The following NUBPL variants were observed in gnomAD, a reference collection of about 807,000 sequenced individuals.
The protein encoded by NUBPL is NUBP iron-sulfur cluster assembly factor, mitochondrial, also known as iron-sulfur cluster transfer protein NUBPL.
In NUBPL, 31 loss-of-function variants were observed where a neutral mutation model predicts 45.7. The ratio of observed to expected loss-of-function variants is 0.68; its 90% CI spans 0.51 to 0.92. The LOEUF (loss-of-function observed/expected upper bound fraction) is 0.92, where lower values mean the gene tolerates loss of function less well. NUBPL is among the 40% of genes least tolerant of loss of function. The probability of loss-of-function intolerance (pLI) is 0.00; values close to 1 mark genes in which losing one functional copy is unlikely to be tolerated. For missense variants in NUBPL, 401 were observed against 398.7 expected, an observed-to-expected ratio of 1.01 and a Z score of -0.05; for synonymous variants, 144 against 140.9, an observed-to-expected ratio of 1.02 and a Z score of -0.15.
chr14:31,800,400 A>G (rs2138862188), intron 7 of NUBPL, among the ~76,000 whole-genome samples: 1 of 152,334 alleles, frequency 6.6e-6, no homozygotes, highest in East Asian at 1.9e-4. Flanking sequence ...ACCCCACAAC[A>G]ATTATAATAG....
rs1465381367 is a variant in NUBPL at position 31,580,361 on chromosome 14, G to A, written c.291+15313G>A. ...GGGAGGTCTGGGTGCTGTGGCTCAT[G>A]CCTTTAATCCCAGCAACTTAGGAGG... is the stretch of plus-strand genomic sequence containing the variant. On this transcript the variant is annotated intron_variant, in intron 3 of 10. Coordinates refer to ENST00000281081, the MANE Select transcript of NUBPL (RefSeq NM_025152.3). Among the ~76,000 whole-genome samples the A allele has an allele frequency of 2.6e-5, 4 of 152,214 alleles. No individual in the cohort carries two copies. In the South Asian group the frequency reaches 8.3e-4, roughly 32 times the overall value.
intron 6 of NUBPL, among the ~76,000 whole-genome samples, chr14:31,744,353 C>A (rs1160379883): frequency 6.6e-6 from 1 of 152,052 alleles, no homozygotes; most frequent in African/African-American, 2.4e-5. Context: ...TTCAGAATAT[C>A]ATTTGTCATC....
At chr14:31,832,624 C>T (rs2040211232) in intron 8 of NUBPL, among the ~76,000 whole-genome samples, 1 of 152,116 alleles carries the variant, frequency 6.6e-6, no homozygotes, top group Non-Finnish European at 1.5e-5. Context: ...TTTTTATTAC[C>T]ACTTAGAGAA....
At chr14:31,754,225 A>C (rs2038597952) in intron 6 of NUBPL, among the ~76,000 whole-genome samples, 3 of 152,222 alleles carry the variant, frequency 2.0e-5, no homozygotes, top group African/African-American at 7.2e-5. Context: ...TTGTATCATC[A>C]TTTTTTAACC....
chr14:31,819,814 G>A (rs556822306), intron 7 of NUBPL, among the ~76,000 whole-genome samples: 21 of 152,188 alleles, frequency 1.4e-4, no homozygotes, highest in South Asian at 1.0e-3. Flanking sequence ...ATTTTTAATC[G>A]TTTAGACTTA....
rs368815180 is a variant in NUBPL at position 31,850,121 on chromosome 14, G to A, written c.817G>A (p.Asp273Asn). Reference protein sequence around the residue: ...AQTLGLEVLGDIPLHLNIREA... With the variant: ...AQTLGLEVLGNIPLHLNIREA... ...GGATGTCTGCTGGGCTCTTTTAGGA[G>A]ACATTCCCTTACACCTTAATATAAG... The change falls in exon 10 of 11, where the codon GAC becomes AAC. Residue 273 changes from aspartate (D) to asparagine (N), a missense_variant and splice_region_variant. Transcript: ENST00000281081. 2 of 1,612,828 alleles carry A rather than the reference G, an allele frequency of 1.2e-6. No individual in the cohort carries two copies. The highest frequency in any genetic ancestry group is 2.7e-5 in the African/African-American group (2 of 74,900).
intron 7 of NUBPL, among the ~76,000 whole-genome samples, chr14:31,811,742 C>A (rs1044319845): frequency 6.6e-6 from 1 of 152,134 alleles, no homozygotes; most frequent in South Asian, 2.1e-4. Context: ...TGGTTTCTCT[C>A]CATCTTTGTG....
intron 6 of NUBPL, among the ~76,000 whole-genome samples, chr14:31,755,770 G>A (rs983083137): frequency 3.6e-4 from 54 of 151,804 alleles, no homozygotes; most frequent in African/African-American, 1.3e-3. Context: ...TGAAGTCCTT[G>A]CCCATGCCTA....
At chr14:31,615,839 A>G (rs1025972456) in intron 4 of NUBPL, among the ~76,000 whole-genome samples, 2 of 152,180 alleles carry the variant, frequency 1.3e-5, no homozygotes, top group African/African-American at 4.8e-5. Context: ...GTCAAATGCT[A>G]TTTCTGGTTC....
intron 6 of NUBPL, among the ~76,000 whole-genome samples, chr14:31,740,768 C>T (rs2038265442): frequency 6.6e-6 from 1 of 152,162 alleles, no homozygotes. Context: ...GTAGTTGTAT[C>T]ACAATTCTTG....
At chr14:31,641,109 G>A (rs1407291472) in intron 4 of NUBPL, among the ~76,000 whole-genome samples, 4 of 151,764 alleles carry the variant, frequency 2.6e-5, no homozygotes, top group Non-Finnish European at 5.9e-5. Context: ...GCACCACCAC[G>A]CCCAGCTAAT....
intron 6 of NUBPL, among the ~76,000 whole-genome samples, chr14:31,708,814 C>T (rs765758891): frequency 4.6e-5 from 7 of 152,206 alleles, no homozygotes; most frequent in Non-Finnish European, 8.8e-5. Flanking sequence ...GGGCCTCTGA[C>T]CCAGAGAACC....
intron 4 of NUBPL, among the ~76,000 whole-genome samples, chr14:31,617,303 C>T (rs879390203): frequency 2.8e-4 from 43 of 152,266 alleles, no homozygotes; most frequent in African/African-American, 8.9e-4. Context: ...CCAGAACTTC[C>T]AGTACTATGT....
intron 4 of NUBPL, among the ~76,000 whole-genome samples, chr14:31,628,426 T>C (rs1347679437): frequency 6.6e-6 from 1 of 152,210 alleles, no homozygotes; most frequent in Non-Finnish European, 1.5e-5. Flanking sequence ...TAATACTGTA[T>C]TATTACTGAT....
chr14:31,567,892 G>A (rs2033479639), intron 3 of NUBPL, among the ~76,000 whole-genome samples: 1 of 152,110 alleles, frequency 6.6e-6, no homozygotes, highest in Admixed American at 6.5e-5. Context: ...CAACCCTCTA[G>A]GCGATTTTGA....
chr14:31,572,558 A>G (rs1320721486), intron 3 of NUBPL, among the ~76,000 whole-genome samples: 1 of 152,238 alleles, frequency 6.6e-6, no homozygotes, highest in Non-Finnish European at 1.5e-5. Flanking sequence ...GTATGATTGT[A>G]CAGGCAGATT....
At chr14:31,606,484 A>G (rs1004170804) in intron 4 of NUBPL, among the ~76,000 whole-genome samples, 1 of 152,192 alleles carries the variant, frequency 6.6e-6, no homozygotes, top group African/African-American at 2.4e-5. Flanking sequence ...TTCCTTCCAG[A>G]GAAGAGATCT....
Position 31,716,939 on chromosome 14 carries a change from C to T in NUBPL, c.513+43365C>T, listed in dbSNP as rs181563843. 3.9e-5 allele frequency among the ~76,000 whole-genome samples: 6 copies of T among 152,298 alleles called. 1 individual carries two copies. In the East Asian group the frequency reaches 1.2e-3, roughly 29 times the overall value. On this transcript the variant is annotated intron_variant, in intron 6 of 10. Coordinates refer to ENST00000281081, the MANE Select transcript of NUBPL (RefSeq NM_025152.3). Reference sequence around the variant, plus strand: ...TTCTCCCATCTCTGCTGCTATCCTTCCCTACAATGTCCACCCTTTTCTGTT... The same window carrying T: ...TTCTCCCATCTCTGCTGCTATCCTTTCCTACAATGTCCACCCTTTTCTGTT...
At chr14:31,632,057 A>G (rs1474829706) in intron 4 of NUBPL, among the ~76,000 whole-genome samples, 1 of 152,130 alleles carries the variant, frequency 6.6e-6, no homozygotes, top group Non-Finnish European at 1.5e-5. Context: ...ATAATCCTGG[A>G]GTTTCTAGAT....
Sources: allele counts gnomAD v4.1 joint callset (sites outside exome capture counted in the v4.1 genomes callset), GRCh38; gene constraint gnomAD v4.1.1; transcripts MANE v1.5; gene names NCBI Gene and HGNC (gene_info 2026-07-23, HGNC 2026-07-21).